IL20RB: variants seen among roughly 807,000 people sequenced by gnomAD.
The protein encoded by IL20RB is interleukin 20 receptor subunit beta.
IL20RB carries 21 observed loss-of-function variants against 33.3 expected under a neutral mutation model. That is an observed-to-expected ratio of 0.63 (90% confidence interval 0.45 to 0.91). The LOEUF (loss-of-function observed/expected upper bound fraction) is 0.91. Ranked by LOEUF, IL20RB falls within the 40% of genes least tolerant of loss-of-function variation. IL20RB has a pLI of 0.00. For synonymous variants in IL20RB, 147 were observed against 146.8 expected, an observed-to-expected ratio of 1.00 and a Z score of -0.01; for missense variants, 345 against 384.8, an observed-to-expected ratio of 0.90 and a Z score of 0.86.
At chr3:136,988,110 G>A (rs1941955456) in intron 3 of IL20RB, among the ~76,000 whole-genome samples, 1 of 152,348 alleles carries the variant, frequency 6.6e-6, no homozygotes, top group African/African-American at 2.4e-5. Flanking sequence ...CGCCCAGAGT[G>A]AGCGAGGGCT....
At chr3:136,975,726 G>T (rs1244627799) in intron 1 of IL20RB, among the ~76,000 whole-genome samples, 1 of 152,236 alleles carries the variant, frequency 6.6e-6, no homozygotes, top group Non-Finnish European at 1.5e-5. Context: ...ATTGGAGTCT[G>T]TGGTGAAGTT....
intron 5 of IL20RB, among the ~76,000 whole-genome samples, chr3:136,994,015 A>G (rs1168875877): frequency 6.6e-6 from 1 of 151,814 alleles, no homozygotes; most frequent in African/African-American, 2.4e-5. Context: ...TGTCTCAAAA[A>G]AAAAAAAAAT....
chr3:137,010,243 T>TTCTCGGCTTCACCTGG lies in IL20RB; in HGVS notation c.*20_*21insTCTCGGCTTCACCTGG. On this transcript the variant is annotated 3_prime_UTR_variant, in exon 7 of 7. Coordinates refer to ENST00000329582, the MANE Select transcript of IL20RB (RefSeq NM_144717.4). The stretch of plus-strand genomic sequence containing the variant: ...TCATAGGTTTGCGGAAGGGCCCAGG[T>TTCTCGGCTTCACCTGG]GAAGCCGAGAACCTGGTCTGCATGA... The TTCTCGGCTTCACCTGG allele has an allele frequency of 8.6e-7, 1 of 1,161,528 alleles. No individual in the cohort carries two copies. The highest frequency in any genetic ancestry group is 1.3e-6 in the Non-Finnish European group (1 of 768,022). 72.0% of individuals were successfully genotyped at this position (1,161,528 alleles called of 1,614,324 possible).
chr3:136,973,296 A>C (rs1292798557), intron 1 of IL20RB, among the ~76,000 whole-genome samples: 1 of 151,718 alleles, frequency 6.6e-6, no homozygotes, highest in African/African-American at 2.4e-5. Context: ...CCTGGCTAAC[A>C]GGGTGAAACC....
intron 5 of IL20RB, among the ~76,000 whole-genome samples, chr3:136,993,692 T>A (rs182157835): frequency 6.6e-6 from 1 of 152,100 alleles, no homozygotes; most frequent in Non-Finnish European, 1.5e-5. Context: ...GTTCTCGCGA[T>A]AGTTTGCTCA....
intron 3 of IL20RB, among the ~76,000 whole-genome samples, chr3:136,986,411 G>T (rs1186388195): frequency 6.6e-6 from 1 of 152,046 alleles, no homozygotes; most frequent in South Asian, 2.1e-4. Context: ...TCTAATTCTG[G>T]TCTCAATAAA....
At chr3:137,010,074 G>A (rs1933047372) in intron 6 of IL20RB, 39 bp from the exon 7 acceptor site, 2 of 900,610 alleles carry the variant, frequency 2.2e-6, no homozygotes, top group East Asian at 2.4e-5. Context: ...TACTACTACT[G>A]CTATCCTCTA....
At chr3:136,975,697 A>T (rs1941599941) in intron 1 of IL20RB, among the ~76,000 whole-genome samples, 1 of 152,192 alleles carries the variant, frequency 6.6e-6, no homozygotes, top group Non-Finnish European at 1.5e-5. Flanking sequence ...TGATTTCATC[A>T]GTGGGTTAGG....
intron 1 of IL20RB, chr3:136,959,118 C>T (rs1941127759): frequency 6.6e-6 from 1 of 152,234 alleles, no homozygotes; most frequent in African/African-American, 2.4e-5. Flanking sequence ...CCCAGTTGTT[C>T]AGCACATGGT....
intron 1 of IL20RB, among the ~76,000 whole-genome samples, chr3:136,972,663 C>A (rs577706606): frequency 6.6e-6 from 1 of 151,610 alleles, no homozygotes; most frequent in Non-Finnish European, 1.5e-5. Context: ...TTCTGATATT[C>A]TTTATTTGGG....
intron 6 of IL20RB, among the ~76,000 whole-genome samples, chr3:137,008,502 C>T (rs966749002): frequency 9.9e-5 from 15 of 152,076 alleles, no homozygotes; most frequent in African/African-American, 3.1e-4. Flanking sequence ...AAACTGATTC[C>T]GATTTTATAA....
chr3:136,986,107 G>A (rs1488926978), intron 3 of IL20RB, among the ~76,000 whole-genome samples: 2 of 152,052 alleles, frequency 1.3e-5, no homozygotes, highest in African/African-American at 4.8e-5. Context: ...CAGCTACTCC[G>A]GAGGCTGAGG....
At chr3:136,997,334 C>T (rs1942150310) in intron 6 of IL20RB, among the ~76,000 whole-genome samples, 3 of 152,144 alleles carry the variant, frequency 2.0e-5, no homozygotes, top group Non-Finnish European at 4.4e-5. Context: ...CCTCATGATC[C>T]ACCCACCTTG....
intron 3 of IL20RB, among the ~76,000 whole-genome samples, chr3:136,985,066 T>TA (rs1488861723): frequency 6.6e-6 from 1 of 152,168 alleles, no homozygotes; most frequent in Non-Finnish European, 1.5e-5. Context: ...GGATGTGCTG[T>TA]AAAACCTTGT....
At chr3:137,000,648 A>G (rs955186179) in intron 6 of IL20RB, among the ~76,000 whole-genome samples, 1 of 152,200 alleles carries the variant, frequency 6.6e-6, no homozygotes, top group Non-Finnish European at 1.5e-5. Context: ...GGAAGTAGAA[A>G]CCTGCAATAA....
chr3:137,005,959 G>T (rs1431721658), intron 6 of IL20RB, among the ~76,000 whole-genome samples: 4 of 152,198 alleles, frequency 2.6e-5, no homozygotes, highest in Admixed American at 1.3e-4. Context: ...AGGCAGGCCT[G>T]GTGGTGACAA....
intron 6 of IL20RB, among the ~76,000 whole-genome samples, chr3:136,999,404 T>C (rs1011440036): frequency 3.3e-5 from 5 of 152,124 alleles, no homozygotes; most frequent in Admixed American, 3.3e-4. Context: ...CCACAGCTAA[T>C]TATTTTATTT....
intron 5 of IL20RB, among the ~76,000 whole-genome samples, chr3:136,995,063 C>T (rs1942099032): frequency 6.6e-6 from 1 of 152,222 alleles, no homozygotes; most frequent in African/African-American, 2.4e-5. Context: ...AATACCTCCC[C>T]CTCATCCTGC....
At chr3:136,997,640 TTAAATC>T (rs1319627900) in intron 6 of IL20RB, among the ~76,000 whole-genome samples, 2 of 152,122 alleles carry the variant, frequency 1.3e-5, no homozygotes, top group East Asian at 1.9e-4. Context: ...TATTTTTACT[TTAAATC>T]TATCTGTATA....
Sources: gnomAD v4.1 joint callset for allele counts (sites outside exome capture counted in the v4.1 genomes callset) on GRCh38, gnomAD v4.1.1 for gene constraint, MANE v1.5 for transcripts, NCBI Gene and HGNC (gene_info 2026-07-23, HGNC 2026-07-21) for gene names.